The following SPAG16 variants were observed in gnomAD, a reference collection of about 807,000 sequenced individuals.
SPAG16 encodes the protein sperm-associated antigen 16 protein.
In SPAG16, 86 loss-of-function variants were observed where a neutral mutation model predicts 80.4. That is an observed-to-expected ratio of 1.07 (90% CI 0.90 to 1.28). SPAG16 has a LOEUF of 1.28. Among genes scored for constraint, SPAG16 ranks in the 50% most tolerant of loss-of-function variants. The pLI is 0.00. For missense variants in SPAG16, 870 were observed against 765.3 expected, an observed-to-expected ratio of 1.14 and a Z score of -1.61; for synonymous variants, 294 against 265.9, an observed-to-expected ratio of 1.11 and a Z score of -1.03.
chr2:213,403,397 A>T (rs1211283615), intron 9 of SPAG16, among the ~76,000 whole-genome samples: 1 of 152,124 alleles, frequency 6.6e-6, no homozygotes, highest in Non-Finnish European at 1.5e-5. Context: ...CTCTGATGGT[A>T]GTTTCTTTTG....
chr2:213,434,519 A>G lies in SPAG16; in HGVS notation c.943-55444A>G, dbSNP rs373696500. 7.5e-4 allele frequency among the ~76,000 whole-genome samples: 115 copies of G among 152,362 alleles called. 2 individuals carry two copies. The South Asian group carries it at 0.023, about 31-fold the overall frequency. ...CTGCCCAGCAAAGGAAATAATTAAC[A>G]GAGTTAACAGACAACTTGCAGAATA... On this transcript the variant is annotated intron_variant, in intron 9 of 15. Coordinates refer to ENST00000331683, the MANE Select transcript of SPAG16 (RefSeq NM_024532.5).
rs576246842 is a variant in SPAG16 at position 213,572,894 on chromosome 2, C to T, written c.1070+82804C>T. Among the ~76,000 whole-genome samples the T allele has an allele frequency of 7.2e-4, 110 of 152,270 alleles. 1 individual carries two copies. Among genetic ancestry groups the T allele is most frequent in the South Asian group, 1.5e-3 (7 of 4,820 alleles). On this transcript the variant is annotated intron_variant, in intron 10 of 15. Coordinates refer to ENST00000331683, the MANE Select transcript of SPAG16 (RefSeq NM_024532.5). ...GCTGTGCTAGCAATCAGTGAGACTC[C>T]GTGGGCGTAGGACCCTCCGAGCCAG...
chr2:213,616,043 A>G (rs2061585010), intron 10 of SPAG16, among the ~76,000 whole-genome samples: 1 of 152,318 alleles, frequency 6.6e-6, no homozygotes, highest in South Asian at 2.1e-4. Context: ...CATGTATCCC[A>G]GAACTTAAAG....
At chr2:213,982,714 A>G (rs533167316) in intron 12 of SPAG16, among the ~76,000 whole-genome samples, 1 of 135,264 alleles carries the variant, frequency 7.4e-6, no homozygotes, top group Non-Finnish European at 1.6e-5. Flanking sequence ...TAACAAAGCA[A>G]CTCAAACACT....
At chr2:213,883,423 A>G (rs148117724) in intron 11 of SPAG16, among the ~76,000 whole-genome samples, 117 of 152,242 alleles carry the variant, frequency 7.7e-4, no homozygotes, top group East Asian at 1.9e-3. Context: ...TTGCTTCATG[A>G]CCAATTATGT....
At chr2:214,403,143 G>A (rs958881441) in intron 15 of SPAG16, among the ~76,000 whole-genome samples, 1 of 151,202 alleles carries the variant, frequency 6.6e-6, no homozygotes, top group African/African-American at 2.4e-5. Flanking sequence ...TCACTTACAA[G>A]CTGTGTGGCC....
At chr2:213,673,985 GTT>G (rs939808645) in intron 10 of SPAG16, among the ~76,000 whole-genome samples, 1 of 151,908 alleles carries the variant, frequency 6.6e-6, no homozygotes, top group African/African-American at 2.4e-5. Context: ...TATAAATAAA[GTT>G]ATATTTTTAA....
chr2:213,778,747 C>T (rs1460158619), intron 10 of SPAG16, among the ~76,000 whole-genome samples: 1 of 152,160 alleles, frequency 6.6e-6, no homozygotes, highest in African/African-American at 2.4e-5. Flanking sequence ...AGTTCTTTGG[C>T]CCCACTGATC....
chr2:214,152,973 A>G (rs1313244292), intron 15 of SPAG16, among the ~76,000 whole-genome samples: 2 of 152,108 alleles, frequency 1.3e-5, no homozygotes, highest in Non-Finnish European at 2.9e-5. Flanking sequence ...TAGGAGCTTG[A>G]CCACTGAAGC....
chr2:213,728,174 G>C (rs2066860329), intron 10 of SPAG16, among the ~76,000 whole-genome samples: 2 of 152,146 alleles, frequency 1.3e-5, no homozygotes, highest in South Asian at 4.1e-4. Flanking sequence ...AATCTCACTG[G>C]CTTAATGCAA....
At chr2:214,326,633 A>G (rs549522396) in intron 15 of SPAG16, among the ~76,000 whole-genome samples, 2 of 152,144 alleles carry the variant, frequency 1.3e-5, no homozygotes, top group East Asian at 1.9e-4. Flanking sequence ...TATTTGTCAA[A>G]TATCTTTTTT....
At chr2:214,351,248 G>A (rs1698384989) in intron 15 of SPAG16, among the ~76,000 whole-genome samples, 1 of 152,174 alleles carries the variant, frequency 6.6e-6, no homozygotes, top group Admixed American at 6.5e-5. Flanking sequence ...CTGCATATGT[G>A]TATCTGTGTG....
chr2:213,396,711 C>A, intron 9 of SPAG16: 1 of 447,380 alleles, frequency 2.2e-6, no homozygotes, highest in South Asian at 1.6e-5. Context: ...ATCTTCAGGA[C>A]ATTTGTCAGC....
intron 10 of SPAG16, among the ~76,000 whole-genome samples, chr2:213,625,413 AC>A (rs1015724521): frequency 2.0e-5 from 3 of 152,016 alleles, no homozygotes; most frequent in African/African-American, 7.2e-5. Context: ...CACCTCGTGT[AC>A]CCCCCGTAAA....
At chr2:213,455,307 C>T (rs2071934220) in intron 9 of SPAG16, among the ~76,000 whole-genome samples, 1 of 152,150 alleles carries the variant, frequency 6.6e-6, no homozygotes, top group Non-Finnish European at 1.5e-5. Context: ...TTTTTCCTTT[C>T]TTGGTTTTAG....
intron 10 of SPAG16, among the ~76,000 whole-genome samples, chr2:213,648,769 C>T (rs2062918434): frequency 2.0e-5 from 3 of 152,164 alleles, no homozygotes; most frequent in South Asian, 2.1e-4. Context: ...CCTCCTCCAT[C>T]AACTCAAATT....
At chr2:213,566,307 G>A (rs1261542716) in intron 10 of SPAG16, among the ~76,000 whole-genome samples, 2 of 152,062 alleles carry the variant, frequency 1.3e-5, no homozygotes, top group South Asian at 2.1e-4. Flanking sequence ...TATTTAAAAC[G>A]TTATATTATT....
intron 10 of SPAG16, among the ~76,000 whole-genome samples, chr2:213,804,722 TA>T (rs77970160): frequency 6.9e-6 from 1 of 144,168 alleles, no homozygotes; most frequent in African/African-American, 2.5e-5. Flanking sequence ...ACTAACTAAC[TA>T]ACTAACTAAG....
intron 12 of SPAG16, among the ~76,000 whole-genome samples, chr2:213,964,971 A>G (rs539027510): frequency 1.7e-3 from 254 of 152,286 alleles, no homozygotes; most frequent in African/African-American, 5.9e-3. Flanking sequence ...GATAAGTACA[A>G]TATTTGGGTC....
Sources: allele counts gnomAD v4.1 joint callset (sites outside exome capture counted in the v4.1 genomes callset), GRCh38; gene constraint gnomAD v4.1.1; transcripts MANE v1.5; gene names NCBI Gene and HGNC (gene_info 2026-07-23, HGNC 2026-07-21).